SLIT3: variants seen among roughly 807,000 people sequenced by gnomAD.
The protein encoded by SLIT3 is slit homolog 3 protein.
In SLIT3, 68 loss-of-function variants were observed where a neutral mutation model predicts 184.0. The observed-to-expected ratio is 0.37, with a 90% CI of 0.30 to 0.45. The LOEUF (loss-of-function observed/expected upper bound fraction) is 0.45. Ranked by LOEUF, SLIT3 falls within the 20% of genes least tolerant of loss-of-function variation. SLIT3 has a pLI of 1.00. For synonymous variants in SLIT3, 831 were observed against 828.6 expected (o/e 1.00, Z -0.05); for missense variants, 1,707 against 2,026.0 (o/e 0.84, Z 3.02).
chr5:168,725,544 T>G (rs1763083561), intron 20 of SLIT3, among the ~76,000 whole-genome samples: 1 of 152,262 alleles, frequency 6.6e-6, no homozygotes, highest in Non-Finnish European at 1.5e-5. Context: ...ACATAGCCAC[T>G]GCTGTCCATT....
At chr5:169,250,874 T>C (rs936482555) in intron 2 of SLIT3, among the ~76,000 whole-genome samples, 5 of 152,254 alleles carry the variant, frequency 3.3e-5, no homozygotes, top group African/African-American at 1.2e-4. Context: ...TGAAACCTAA[T>C]ATTCCTTGCT....
intron 4 of SLIT3, among the ~76,000 whole-genome samples, chr5:168,999,366 G>A (rs1755625077): frequency 6.6e-6 from 1 of 151,536 alleles, no homozygotes; most frequent in African/African-American, 2.4e-5. Flanking sequence ...TCTTAATTTG[G>A]TTTTCTGATT....
At chr5:168,873,015 C>T (rs1476646027) in intron 5 of SLIT3, among the ~76,000 whole-genome samples, 3 of 152,102 alleles carry the variant, frequency 2.0e-5, no homozygotes, top group African/African-American at 7.2e-5. Context: ...ACAGCCTGCT[C>T]CTACCTTGGG....
chr5:168,997,420 C>T (rs1247711480), intron 4 of SLIT3, among the ~76,000 whole-genome samples: 1 of 152,080 alleles, frequency 6.6e-6, no homozygotes, highest in Non-Finnish European at 1.5e-5. Context: ...GAATCAAGTC[C>T]TATTGTGAAA....
intron 30 of SLIT3, among the ~76,000 whole-genome samples, chr5:168,686,713 A>G (rs1440211341): frequency 6.6e-6 from 1 of 152,228 alleles, no homozygotes; most frequent in Non-Finnish European, 1.5e-5. Context: ...GACATTACAC[A>G]AGCTGAACCT....
intron 4 of SLIT3, among the ~76,000 whole-genome samples, chr5:169,145,204 G>A (rs909403088): frequency 6.6e-6 from 1 of 152,062 alleles, no homozygotes; most frequent in South Asian, 2.1e-4. Flanking sequence ...CAGAATTGCC[G>A]GGCTCTGGAG....
chr5:169,272,666 C>T (rs1301581607), intron 1 of SLIT3, among the ~76,000 whole-genome samples: 3 of 152,298 alleles, frequency 2.0e-5, no homozygotes, highest in South Asian at 2.1e-4. Context: ...GGGAAGGGAA[C>T]AAGAAGCACT....
chr5:168,866,892 T>C (rs1168747027), intron 5 of SLIT3, among the ~76,000 whole-genome samples: 1 of 152,254 alleles, frequency 6.6e-6, no homozygotes, highest in Non-Finnish European at 1.5e-5. Flanking sequence ...CATTAGGTAC[T>C]ACCTTTAGTC....
intron 20 of SLIT3, among the ~76,000 whole-genome samples, chr5:168,725,098 G>A (rs1581008141): frequency 1.3e-5 from 2 of 152,274 alleles, no homozygotes; most frequent in South Asian, 4.1e-4. Context: ...TGTTGTTGGA[G>A]CACTGTACTA....
At chr5:169,258,958 A>G (rs1471533367) in intron 1 of SLIT3, among the ~76,000 whole-genome samples, 2 of 152,204 alleles carry the variant, frequency 1.3e-5, no homozygotes, top group South Asian at 2.1e-4. Context: ...CTCCTTAGCT[A>G]TGTGGCTTTG....
intron 9 of SLIT3, among the ~76,000 whole-genome samples, chr5:168,798,323 A>AGCTTCCTG (rs1756648780): frequency 6.6e-6 from 1 of 150,906 alleles, no homozygotes; most frequent in Admixed American, 6.6e-5. Context: ...GCCTGGGCTC[A>AGCTTCCTG]AGTGATCCTC....
intron 8 of SLIT3, among the ~76,000 whole-genome samples, chr5:168,811,717 A>C (rs1757162334): frequency 6.6e-6 from 1 of 152,214 alleles, no homozygotes; most frequent in Non-Finnish European, 1.5e-5. Flanking sequence ...AAAAACAACA[A>C]ATGCTGGCAC....
intron 4 of SLIT3, among the ~76,000 whole-genome samples, chr5:168,965,285 T>G (rs759639505): frequency 1.3e-5 from 2 of 152,220 alleles, no homozygotes. Context: ...ATTTGAGAGA[T>G]AAACATGTTG....
intron 2 of SLIT3, among the ~76,000 whole-genome samples, chr5:169,249,948 CAT>C (rs560462531): frequency 3.9e-5 from 6 of 152,384 alleles, no homozygotes; most frequent in Non-Finnish European, 1.5e-5. Context: ...TGTCCCCACA[CAT>C]GTGTACATAA....
intron 1 of SLIT3, among the ~76,000 whole-genome samples, chr5:169,273,038 C>A (rs1766683176): frequency 6.6e-6 from 1 of 152,146 alleles, no homozygotes; most frequent in African/African-American, 2.4e-5. Flanking sequence ...AAACTCAGCA[C>A]CGACACACAT....
chr5:169,115,226 G>C (rs1760614537), intron 4 of SLIT3, among the ~76,000 whole-genome samples: 1 of 152,128 alleles, frequency 6.6e-6, no homozygotes, highest in African/African-American at 2.4e-5. Flanking sequence ...CATATGAGCA[G>C]AATTTATAAA....
At chr5:169,040,832 C>A (rs996731911) in intron 4 of SLIT3, among the ~76,000 whole-genome samples, 1 of 152,212 alleles carries the variant, frequency 6.6e-6, no homozygotes, top group Non-Finnish European at 1.5e-5. Flanking sequence ...CAATAGGCAT[C>A]GGCCCATTGC....
At chr5:169,051,721 T>C (rs1757821827) in intron 4 of SLIT3, among the ~76,000 whole-genome samples, 1 of 152,290 alleles carries the variant, frequency 6.6e-6, no homozygotes, top group South Asian at 2.1e-4. Context: ...CCTGCAGAAA[T>C]GAGCTTTGAG....
chr5:169,150,204 C>T (rs1189725434), intron 4 of SLIT3, among the ~76,000 whole-genome samples: 1 of 152,106 alleles, frequency 6.6e-6, no homozygotes, highest in African/African-American at 2.4e-5. Context: ...GAATCTGCTC[C>T]CCGCTCCAAC....
Sources: gnomAD v4.1 joint callset for allele counts (sites outside exome capture counted in the v4.1 genomes callset) on GRCh38, gnomAD v4.1.1 for gene constraint, MANE v1.5 for transcripts, NCBI Gene and HGNC (gene_info 2026-07-23, HGNC 2026-07-21) for gene names.